The following NFAM1 variants were observed in gnomAD, a reference collection of about 807,000 sequenced individuals.
NFAM1 encodes the protein NFAT activating protein with ITAM motif 1.
In NFAM1, 17 loss-of-function variants were observed where a neutral mutation model predicts 29.0. The ratio of observed to expected loss-of-function variants is 0.59; its 90% CI spans 0.40 to 0.88. NFAM1 has a LOEUF of 0.88. NFAM1 is among the 40% of genes least tolerant of loss of function. The pLI is 0.00. For missense variants in NFAM1, 324 were observed against 344.6 expected (o/e 0.94, Z 0.47); for synonymous variants, 175 against 147.2 (o/e 1.19, Z -1.36).
chr22:42,416,283 C>G (rs1446460155), intron 1 of NFAM1, among the ~76,000 whole-genome samples: 1 of 152,110 alleles, frequency 6.6e-6, no homozygotes, highest in Non-Finnish European at 1.5e-5. Context: ...CCAGCCTGAG[C>G]ACATAGTGAA....
At chr22:42,417,966 G>C (rs1362867987) in intron 1 of NFAM1, among the ~76,000 whole-genome samples, 1 of 152,200 alleles carries the variant, frequency 6.6e-6, no homozygotes, top group Non-Finnish European at 1.5e-5. Context: ...CATCTCATCT[G>C]GGCAGCGCCG....
At chr22:42,435,123 A>G (rs917507189), upstream of NFAM1, among the ~76,000 whole-genome samples, 1 of 152,172 alleles carries the variant, frequency 6.6e-6, no homozygotes, top group African/African-American at 2.4e-5. Context: ...CTGCAGCCCT[A>G]TGGGGCAGGC....
rs201786080 is a variant in NFAM1 at position 42,411,606 on chromosome 22, A to G, written c.252T>C (p.His84=). Residue 84 remains histidine (H), a synonymous_variant, in exon 2 of 6, where the codon CAT becomes CAC. Coordinates refer to ENST00000329021, the MANE Select transcript of NFAM1 (RefSeq NM_145912.8). The part of the protein sequence containing the change: ...QFKVFTVSYF[H]EDLQGQRSPK... Reference sequence around the variant, plus strand: ...GGCTCCTCTGTCCCTGGAGATCTTCATGAAAGTAGCTGACTGTGAAAACCT... The same window carrying G: ...GGCTCCTCTGTCCCTGGAGATCTTCGTGAAAGTAGCTGACTGTGAAAACCT... 3 of 1,614,226 alleles carry G rather than the reference A, an allele frequency of 1.9e-6. No homozygotes were observed. Among genetic ancestry groups the G allele is most frequent in the East Asian group, 4.5e-5 (2 of 44,884 alleles).
chr22:42,435,446 C>T (rs2146566056), upstream of NFAM1, among the ~76,000 whole-genome samples: 1 of 151,456 alleles, frequency 6.6e-6, no homozygotes, highest in Non-Finnish European at 1.5e-5. Context: ...CTCCCGGGTT[C>T]AAGTGATTCT....
chr22:42,417,126 G>A (rs932031465), intron 1 of NFAM1, among the ~76,000 whole-genome samples: 3 of 152,180 alleles, frequency 2.0e-5, no homozygotes, highest in Non-Finnish European at 2.9e-5. Flanking sequence ...ACAAGGAAGG[G>A]GTCTGGGTGG....
chr22:42,386,390 CA>C (rs1555968119), intron 5 of NFAM1, among the ~76,000 whole-genome samples: 1 of 144,234 alleles, frequency 6.9e-6, no homozygotes, highest in Non-Finnish European at 1.5e-5. Context: ...AAAACAAAAA[CA>C]AACAAACACA....
In NFAM1 at chr22:42,384,880, G is replaced by A. The variant is rs1305944293; in HGVS notation, c.*281C>T. The A allele has an allele frequency of 3.8e-6, 2 of 529,510 alleles. No individual in the cohort carries two copies. Among genetic ancestry groups the A allele is most frequent in the Admixed American group, 3.2e-5 (1 of 31,410 alleles). The allele number at this position is 529,510 out of a possible 1,614,324, so 32.8% of individuals were successfully genotyped here. ...AAGGGTGGCATCCAGGAAAGCCCTT[G>A]AAGACTGAGGGGCGCTTTGCTGGTT... On this transcript the variant is annotated 3_prime_UTR_variant, in exon 6 of 6. Coordinates refer to ENST00000329021, the MANE Select transcript of NFAM1 (RefSeq NM_145912.8).
chr22:42,435,181 G>C (rs1358975535), upstream of NFAM1, among the ~76,000 whole-genome samples: 1 of 152,212 alleles, frequency 6.6e-6, no homozygotes, highest in Non-Finnish European at 1.5e-5. Context: ...GGAACAGGGA[G>C]GTTAAAGTAA....
intron 5 of NFAM1, 151 bp from the exon 6 acceptor site, chr22:42,385,371 C>T (rs879364515): frequency 1.9e-4 from 127 of 656,266 alleles, no homozygotes; most frequent in Non-Finnish European, 3.1e-4. Flanking sequence ...TCCAAGCCCA[C>T]CTCCCCAGCC....
At chr22:42,393,167 G>C (rs1929402735) in intron 4 of NFAM1, among the ~76,000 whole-genome samples, 1 of 151,728 alleles carries the variant, frequency 6.6e-6, no homozygotes. Flanking sequence ...AGCAAGAATT[G>C]ACAATAATTA....
intron 3 of NFAM1, among the ~76,000 whole-genome samples, chr22:42,407,268 G>C (rs973900008): frequency 6.6e-6 from 1 of 151,600 alleles, no homozygotes; most frequent in Non-Finnish European, 1.5e-5. Context: ...TTTTAGTAGA[G>C]ATGGGGTTTT....
the NFAM1 span, among the ~76,000 whole-genome samples, chr22:42,437,719 C>T: frequency 1.3e-5 from 2 of 152,196 alleles, no homozygotes; most frequent in Non-Finnish European, 2.9e-5. Context: ...CCTTCTTCCC[C>T]CTCTAGGGGT....
At position 42,387,999 on chromosome 22, in the gene NFAM1, C is replaced by T. The variant is rs1010587152; in HGVS notation, c.664-921G>A. The stretch of plus-strand genomic sequence containing the variant: ...CTTGAGGGCAGGGACCATGCCTAGT[C>T]TATCTCTGGGTTTCTGATTCTACAG... On this transcript the variant is annotated intron_variant, in intron 4 of 5. Transcript: ENST00000329021. Among the ~76,000 whole-genome samples, 13 of 152,218 alleles carry T rather than the reference C, an allele frequency of 8.5e-5. 1 individual carries two copies. The highest frequency in any genetic ancestry group is 2.9e-5 in the Non-Finnish European group (2 of 68,034).
At position 42,419,074 on chromosome 22, in the gene NFAM1, C is replaced by T. The variant is rs1342108489; in HGVS notation, c.122-7338G>A. ...AGAGCTGGGCGGAGTTGCTATCCTC[C>T]CACACCTGGCGCGGGGACCACATGC... On this transcript the variant is annotated intron_variant, in intron 1 of 5. Transcript: ENST00000329021. The surrounding 1 kb of genome is among the most constrained non-coding windows in gnomAD (Gnocchi z 4.5). 1.3e-5 allele frequency among the ~76,000 whole-genome samples: 2 copies of T among 152,194 alleles called. No homozygotes were observed. Among genetic ancestry groups the T allele is most frequent in the African/African-American group, 4.8e-5 (2 of 41,452 alleles).
intron 3 of NFAM1, among the ~76,000 whole-genome samples, chr22:42,405,978 C>T (rs1929884160): frequency 6.6e-6 from 1 of 152,094 alleles, no homozygotes; most frequent in East Asian, 1.9e-4. Context: ...TTTTTCGTAC[C>T]TCAGAGCCTT....
chr22:42,437,399 T>C (rs145912544), upstream of NFAM1, among the ~76,000 whole-genome samples: 861 of 152,226 alleles, frequency 5.7e-3, 5 homozygotes, highest in African/African-American at 0.02. Context: ...CGCCTCGGTC[T>C]CCCAAAGTGC....
chr22:42,397,696 T>G (rs1280036040), intron 4 of NFAM1, among the ~76,000 whole-genome samples, 162 bp downstream of exon 4: 7 of 152,132 alleles, frequency 4.6e-5, no homozygotes, highest in Non-Finnish European at 1.5e-5. Flanking sequence ...TCAGAGAAAT[T>G]CCATGAGGTA....
intron 4 of NFAM1, among the ~76,000 whole-genome samples, chr22:42,395,395 G>C (rs1039506369): frequency 7.9e-5 from 12 of 151,976 alleles, no homozygotes; most frequent in Non-Finnish European, 1.8e-4. Context: ...AGAATCGCTT[G>C]AACAGGGGAG....
chr22:42,437,533 G>C, the NFAM1 span, among the ~76,000 whole-genome samples: 2 of 152,148 alleles, frequency 1.3e-5, no homozygotes, highest in African/African-American at 4.8e-5. Context: ...AAAGAGACGA[G>C]CACAGAACCA....
Sources: gnomAD v4.1 joint callset for allele counts (sites outside exome capture counted in the v4.1 genomes callset) on GRCh38, gnomAD v4.1.1 for gene constraint, Gnocchi (gnomAD v3.1) non-coding constraint, MANE v1.5 for transcripts, NCBI Gene and HGNC (gene_info 2026-07-23, HGNC 2026-07-21) for gene names.